Variants in PCDHGA3 observed in about 807,000 individuals in gnomAD.
The protein encoded by PCDHGA3 is protocadherin gamma subfamily A, 3, also known as protocadherin gamma-A3.
A neutral mutation model predicts 58.5 loss-of-function variants in PCDHGA3; 40 were observed. That is an observed-to-expected ratio of 0.68 (90% CI 0.53 to 0.89). The LOEUF (loss-of-function observed/expected upper bound fraction) is 0.89. Ranked by LOEUF, PCDHGA3 falls within the 40% of genes least tolerant of loss-of-function variation. The probability of loss-of-function intolerance (pLI) is 0.00; values close to 1 mark genes in which losing one functional copy is unlikely to be tolerated. For missense variants in PCDHGA3, 1,223 were observed against 1,195.9 expected (o/e 1.02, Z -0.33); for synonymous variants, 530 against 525.7 (o/e 1.01, Z -0.11).
chr5:141,360,619 G>A, intron 1 of PCDHGA3: 2 of 1,614,012 alleles, frequency 1.2e-6, no homozygotes, highest in East Asian at 2.2e-5. Context: ...GGATTCAGAT[G>A]TTGGTCCTAA....
rs757446808 is a variant in PCDHGA3 at position 141,351,031 on chromosome 5, C to T, written c.2424+4574C>T. The stretch of plus-strand genomic sequence containing the variant: ...AAGAAAACGTACCGTGGGGAACCTC[C>T]GTGCTGCGGGTGATGGCCACAGACC... On this transcript the variant is annotated intron_variant, in intron 1 of 3. Coordinates refer to ENST00000253812, the MANE Select transcript of PCDHGA3 (RefSeq NM_018916.4). 3 of 1,613,990 alleles carry T rather than the reference C, an allele frequency of 1.9e-6. No individual in the cohort carries two copies. In the Admixed American group the frequency reaches 5.0e-5, roughly 27 times the overall value.
chr5:141,399,832 G>C (rs2093898646), intron 1 of PCDHGA3: 1 of 1,613,034 alleles, frequency 6.2e-7, no homozygotes, highest in Admixed American at 1.7e-5. Context: ...CGACGGCTCT[G>C]CGCTCTTCGA....
At chr5:141,414,748 G>A in intron 1 of PCDHGA3, 5 of 1,614,182 alleles carry the variant, frequency 3.1e-6, no homozygotes, top group Non-Finnish European at 4.2e-6. Context: ...CAGATCCTTC[G>A]ACTATGAGCA....
intron 1 of PCDHGA3, chr5:141,366,871 G>C: frequency 1.4e-6 from 2 of 1,404,144 alleles, no homozygotes; most frequent in African/African-American, 1.4e-5. Flanking sequence ...TGCTGTATTG[G>C]AGATTAATTT....
intron 1 of PCDHGA3, chr5:141,418,093 C>T: frequency 6.2e-7 from 1 of 1,614,032 alleles, no homozygotes; most frequent in East Asian, 2.2e-5. Flanking sequence ...TCAGCGTAGA[C>T]GCGCAGAGCG....
At chr5:141,361,494 A>G (rs760056101) in intron 1 of PCDHGA3, 66 of 1,613,860 alleles carry the variant, frequency 4.1e-5, no homozygotes, top group Non-Finnish European at 5.4e-5. Flanking sequence ...CAGTTTTCCA[A>G]CAGACTTCCT....
rs928847931 is a variant in PCDHGA3 at position 141,385,514 on chromosome 5, G to A, written c.2424+39057G>A. 5 of 1,363,488 alleles carry A rather than the reference G, an allele frequency of 3.7e-6. No homozygotes were observed. The African/African-American group carries it at 5.9e-5, about 16-fold the overall frequency. The allele number at this position is 1,363,488 out of a possible 1,614,324, so 84.5% of individuals were successfully genotyped here. ...AGGATATAGTATTTCTTTAGTGAAA[G>A]CCTATGGACAAGATTATGAATATGT... is the stretch of plus-strand genomic sequence containing the variant. On this transcript the variant is annotated intron_variant, in intron 1 of 3. Transcript: ENST00000253812.
In PCDHGA3 at chr5:141,400,641, G is replaced by C. The variant is rs1427284697; in HGVS notation, c.2424+54184G>C. On this transcript the variant is annotated intron_variant, in intron 1 of 3. Coordinates refer to ENST00000253812, the MANE Select transcript of PCDHGA3 (RefSeq NM_018916.4). ...GTCTTAGGGAAGTCAGAGCTGCTCA[G>C]AAAGCTGTCCTACCATTCTTTAAGA... The C allele has an allele frequency of 9.3e-6, 12 of 1,288,952 alleles. No homozygotes were observed. The East Asian group carries it at 2.8e-4, about 30-fold the overall frequency. 79.8% of individuals were successfully genotyped at this position (1,288,952 alleles called of 1,614,324 possible). A position where few individuals can be genotyped will look rare whatever the true frequency, so the allele number is the denominator to read the frequency against.
At position 141,477,284 on chromosome 5, in the gene PCDHGA3, G is replaced by A. The variant is rs751714522; in HGVS notation, c.2425-17523G>A. 5.0e-6 allele frequency: 8 copies of A among 1,614,150 alleles called. No homozygotes were observed. The South Asian group carries it at 6.6e-5, about 13-fold the overall frequency. ...TGGCGAGAACGGGCTGGTGACCTGC[G>A]AAGTTCCACCGGGTCTCCCTTTCAG... On this transcript the variant is annotated intron_variant, in intron 1 of 3. Transcript: ENST00000253812. This position sits in a 1 kb window ranked among gnomAD's most constrained non-coding sequence, Gnocchi z 4.9.
chr5:141,473,362 C>A (rs2099320242), intron 1 of PCDHGA3, among the ~76,000 whole-genome samples: 1 of 152,166 alleles, frequency 6.6e-6, no homozygotes, highest in Admixed American at 6.5e-5. Context: ...AAGTGGCCAC[C>A]AAAATAGCAT....
chr5:141,357,353 G>A (rs772395094), intron 1 of PCDHGA3: 1 of 1,614,124 alleles, frequency 6.2e-7, no homozygotes, highest in Middle Eastern at 1.6e-4. Context: ...AAGCTGAGAC[G>A]CTGGCACAAG....
At chr5:141,370,888 A>T (rs765704496) in intron 1 of PCDHGA3, 3 of 1,614,036 alleles carry the variant, frequency 1.9e-6, no homozygotes, top group Non-Finnish European at 2.5e-6. Flanking sequence ...GTAGGTGTCA[A>T]TTCGCTGCAG....
chr5:141,356,087 C>T (rs768342539), intron 1 of PCDHGA3: 1 of 1,613,878 alleles, frequency 6.2e-7, no homozygotes, highest in Non-Finnish European at 8.5e-7. Context: ...CAGTTGAATT[C>T]TCTGAGTGGG....
At chr5:141,385,015 G>C in intron 1 of PCDHGA3, 2 of 1,614,018 alleles carry the variant, frequency 1.2e-6, no homozygotes, top group South Asian at 2.2e-5. Context: ...CGTCTTCCTA[G>C]CCTTCGTCCT....
At position 141,487,557 on chromosome 5, in the gene PCDHGA3, T is replaced by C. The variant is rs751511771; in HGVS notation, c.2425-7250T>C. On this transcript the variant is annotated intron_variant, in intron 1 of 3. Coordinates refer to ENST00000253812, the MANE Select transcript of PCDHGA3 (RefSeq NM_018916.4). The surrounding 1 kb of genome is among the most constrained non-coding windows in gnomAD (Gnocchi z 5.0). The stretch of plus-strand genomic sequence containing the variant: ...ATGGTGAAGTCACCCAGTGCACCTA[T>C]GGCAGGGGAGCCTGTTCGCCCAAGC... The C allele has an allele frequency of 1.9e-5, 31 of 1,614,060 alleles. No homozygotes were observed. In the East Asian group the frequency reaches 4.2e-4, roughly 22 times the overall value.
chr5:141,389,538 G>A (rs772693461), intron 1 of PCDHGA3: 1 of 1,613,186 alleles, frequency 6.2e-7, no homozygotes, highest in Admixed American at 1.7e-5. Context: ...GTTAGTGGAC[G>A]ACCGCAACGA....
chr5:141,365,349 T>A, intron 1 of PCDHGA3: 1 of 1,613,944 alleles, frequency 6.2e-7, no homozygotes, highest in Non-Finnish European at 8.5e-7. Context: ...GTACAGGACG[T>A]GAATGACAAT....
At chr5:141,416,132 A>G (rs939839074) in intron 1 of PCDHGA3, 1 of 153,964 alleles carries the variant, frequency 6.5e-6, no homozygotes, top group Non-Finnish European at 1.4e-5. Flanking sequence ...ATATTTTTCA[A>G]TCTATACTTT....
chr5:141,408,344 G>A, intron 1 of PCDHGA3: 1 of 1,613,958 alleles, frequency 6.2e-7, no homozygotes, highest in East Asian at 2.2e-5. Flanking sequence ...CTCGGTGGTG[G>A]GGAACCTCGC....
Sources: gnomAD v4.1 joint callset for allele counts (sites outside exome capture counted in the v4.1 genomes callset) on GRCh38, gnomAD v4.1.1 for gene constraint, Gnocchi (gnomAD v3.1) non-coding constraint, MANE v1.5 for transcripts, NCBI Gene and HGNC (gene_info 2026-07-23, HGNC 2026-07-21) for gene names.